The following ZDHHC21 variants were observed in gnomAD, a reference collection of about 807,000 sequenced individuals.
ZDHHC21 encodes zDHHC palmitoyltransferase 21.
ZDHHC21 carries 15 observed loss-of-function variants against 34.6 expected under a neutral mutation model. That is an observed-to-expected ratio of 0.43 (90% CI 0.29 to 0.67). The LOEUF (loss-of-function observed/expected upper bound fraction) is 0.67, where lower values mean the gene tolerates loss of function less well. Ranked by LOEUF, ZDHHC21 falls within the 30% of genes least tolerant of loss-of-function variation. ZDHHC21 has a pLI of 0.14. For synonymous variants in ZDHHC21, 142 were observed against 101.8 expected, an observed-to-expected ratio of 1.40 and a Z score of -2.38; for missense variants, 344 against 327.7, an observed-to-expected ratio of 1.05 and a Z score of -0.38.
intron 2 of ZDHHC21, among the ~76,000 whole-genome samples, chr9:14,687,537 G>A (rs1031508111): frequency 2.1e-4 from 32 of 150,656 alleles, no homozygotes; most frequent in African/African-American, 7.5e-4. Context: ...CAGGCATAGT[G>A]GCGCCCGCCT....
At chr9:14,600,542 AG>A in the ZDHHC21 span, among the ~76,000 whole-genome samples, 3 of 152,244 alleles carry the variant, frequency 2.0e-5, no homozygotes, top group Admixed American at 6.5e-5. Flanking sequence ...GCTGATGGAT[AG>A]GAAGAATCAA....
chr9:14,615,591 G>C lies in ZDHHC21; in HGVS notation c.*3375C>G, dbSNP rs192356411. On this transcript the variant is annotated 3_prime_UTR_variant, in exon 10 of 10. Coordinates refer to ENST00000380916, the MANE Select transcript of ZDHHC21 (RefSeq NM_178566.6). The stretch of plus-strand genomic sequence containing the variant: ...TCAGCTAACTTGATATTTTTAAACT[G>C]TAAGTCTGGGTTACAAAGTACCAAC... 3 of 151,552 alleles carry C rather than the reference G, an allele frequency of 2.0e-5. No individual in the cohort carries two copies. Among genetic ancestry groups the C allele is most frequent in the African/African-American group, 7.3e-5 (3 of 41,344 alleles). The allele number at this position is 151,552 out of a possible 1,614,324, so 9.4% of individuals were successfully genotyped here. A position where few individuals can be genotyped will look rare whatever the true frequency, so the allele number is the denominator to read the frequency against.
intron 3 of ZDHHC21, among the ~76,000 whole-genome samples, chr9:14,676,734 A>G (rs1836452275): frequency 6.6e-6 from 1 of 151,980 alleles, no homozygotes; most frequent in Non-Finnish European, 1.5e-5. Flanking sequence ...ATTTGCTAAG[A>G]ATCATTTTAA....
intron 3 of ZDHHC21, among the ~76,000 whole-genome samples, chr9:14,675,276 A>T (rs577950250): frequency 2.0e-5 from 3 of 151,992 alleles, no homozygotes; most frequent in Non-Finnish European, 4.4e-5. Flanking sequence ...ACTTCCAAGG[A>T]TGAAATAATA....
At chr9:14,594,668 G>T in the ZDHHC21 span, among the ~76,000 whole-genome samples, 1 of 152,056 alleles carries the variant, frequency 6.6e-6, no homozygotes, top group Non-Finnish European at 1.5e-5. Flanking sequence ...AATATCAAAA[G>T]CATGATCACT....
intron 7 of ZDHHC21, among the ~76,000 whole-genome samples, chr9:14,641,928 C>T (rs1038392248): frequency 6.6e-6 from 1 of 152,176 alleles, no homozygotes; most frequent in Admixed American, 6.5e-5. Context: ...CGGTTTTACA[C>T]AGTGAGGTGA....
chr9:14,644,999 G>C (rs1383363861), intron 7 of ZDHHC21, among the ~76,000 whole-genome samples: 1 of 152,022 alleles, frequency 6.6e-6, no homozygotes, highest in Non-Finnish European at 1.5e-5. Flanking sequence ...GGCAAGTTTT[G>C]CTCCCAAGTG....
At chr9:14,656,250 T>C (rs1832186376) in intron 7 of ZDHHC21, among the ~76,000 whole-genome samples, 2 of 151,950 alleles carry the variant, frequency 1.3e-5, no homozygotes, top group African/African-American at 4.8e-5. Flanking sequence ...AAATACTTTC[T>C]TCAAGTTTAG....
intron 8 of ZDHHC21, among the ~76,000 whole-genome samples, chr9:14,621,034 G>C (rs1825214103): frequency 6.6e-6 from 1 of 151,984 alleles, no homozygotes; most frequent in East Asian, 1.9e-4. Context: ...GGTCTTAGAG[G>C]AAATTTGGGC....
intron 9 of ZDHHC21, 109 bp downstream of exon 9, chr9:14,619,530 A>C (rs1564191876): frequency 1.1e-6 from 1 of 947,236 alleles, no homozygotes; most frequent in Non-Finnish European, 1.5e-6. Flanking sequence ...ACAATGCACC[A>C]AGAAAAAGCC....
chr9:14,686,584 G>A (rs971890231), intron 2 of ZDHHC21, among the ~76,000 whole-genome samples: 4 of 152,120 alleles, frequency 2.6e-5, no homozygotes, highest in African/African-American at 4.8e-5. Flanking sequence ...TTATTAGATC[G>A]TCAAATGAAC....
At chr9:14,691,120 A>C (rs1839086737) in intron 1 of ZDHHC21, among the ~76,000 whole-genome samples, 1 of 152,206 alleles carries the variant, frequency 6.6e-6, no homozygotes, top group Non-Finnish European at 1.5e-5. Context: ...GTTTTCACTG[A>C]GTCACATTCA....
chr9:14,642,491 C>T (rs1829540046), intron 7 of ZDHHC21, among the ~76,000 whole-genome samples: 1 of 152,128 alleles, frequency 6.6e-6, no homozygotes, highest in African/African-American at 2.4e-5. Context: ...GAAGCCCTAA[C>T]CCCTGTACCT....
chr9:14,629,325 T>A (rs1229524451), intron 8 of ZDHHC21, among the ~76,000 whole-genome samples: 1 of 152,172 alleles, frequency 6.6e-6, no homozygotes. Flanking sequence ...TAATAAAATG[T>A]AACGTTCAAT....
chr9:14,612,225 T>C lies in ZDHHC21; in HGVS notation c.*6741A>G, dbSNP rs1470376361. The C allele has an allele frequency of 6.6e-6, 1 of 152,008 alleles. No individual in the cohort carries two copies. Among genetic ancestry groups the C allele is most frequent in the Admixed American group, 6.6e-5 (1 of 15,218 alleles). 9.4% of individuals were successfully genotyped at this position (152,008 alleles called of 1,614,324 possible). ...TTTCAGACTTGATTCTTTTTTTCCA[T>C]TCAGAATTGACTGCAAAACCATATA... On this transcript the variant is annotated 3_prime_UTR_variant, in exon 10 of 10. Transcript: ENST00000380916.
the ZDHHC21 span, among the ~76,000 whole-genome samples, chr9:14,605,064 A>G: frequency 2.0e-5 from 3 of 152,298 alleles, no homozygotes; most frequent in Non-Finnish European, 2.9e-5. Flanking sequence ...GCTGAATAAC[A>G]TTCCATTGTA....
chr9:14,624,258 AGGAACAGGAGCCTCAAT>A (rs1282062256), intron 8 of ZDHHC21, among the ~76,000 whole-genome samples: 2 of 152,132 alleles, frequency 1.3e-5, no homozygotes, highest in African/African-American at 2.4e-5. Context: ...ATTTTACATA[AGGAACAGGAGCCTCAAT>A]GGATTCCGAT....
intron 7 of ZDHHC21, 137 bp from the exon 8 acceptor site, chr9:14,640,149 C>T: frequency 2.0e-6 from 1 of 489,416 alleles, no homozygotes; most frequent in East Asian, 2.9e-5. Flanking sequence ...TTTTATACTT[C>T]TATTGAAATC....
At chr9:14,596,395 G>C in the ZDHHC21 span, among the ~76,000 whole-genome samples, 1 of 152,226 alleles carries the variant, frequency 6.6e-6, no homozygotes, top group Non-Finnish European at 1.5e-5. Context: ...TGCCCTGAAG[G>C]AGTGTGTGTA....
Sources: allele counts gnomAD v4.1 joint callset (sites outside exome capture counted in the v4.1 genomes callset), GRCh38; gene constraint gnomAD v4.1.1; transcripts MANE v1.5; gene names NCBI Gene and HGNC (gene_info 2026-07-23, HGNC 2026-07-21).